NFATC1: variants seen among roughly 807,000 people sequenced by gnomAD.
NFATC1 encodes the protein nuclear factor of activated T-cells, cytoplasmic 1.
In NFATC1, 22 loss-of-function variants were observed where a neutral mutation model predicts 76.0. The observed-to-expected ratio is 0.29, with a 90% CI of 0.21 to 0.41. The LOEUF (loss-of-function observed/expected upper bound fraction) is 0.41. Among genes scored for constraint, NFATC1 ranks in the 10% least tolerant of loss-of-function variants. The probability of loss-of-function intolerance (pLI) is 1.00; values close to 1 mark genes in which losing one functional copy is unlikely to be tolerated. For synonymous variants in NFATC1, 704 were observed against 613.1 expected, an observed-to-expected ratio of 1.15 and a Z score of -2.19; for missense variants, 1,357 against 1,337.7, an observed-to-expected ratio of 1.01 and a Z score of -0.23.
intron 9 of NFATC1, among the ~76,000 whole-genome samples, chr18:79,501,607 A>AC (rs990119780): frequency 1.3e-4 from 6 of 45,416 alleles, no homozygotes; most frequent in Non-Finnish European, 2.2e-4. Flanking sequence ...CCTACACCCC[A>AC]CCCCCCCTCC....
intron 6 of NFATC1, among the ~76,000 whole-genome samples, chr18:79,458,231 G>T (rs2087843292): frequency 6.6e-6 from 1 of 152,218 alleles, no homozygotes; most frequent in Non-Finnish European, 1.5e-5. Context: ...GGAGAGCCGG[G>T]GATGGATGAG....
chr18:79,409,639 A>AC (rs1039451803), intron 1 of NFATC1, among the ~76,000 whole-genome samples: 4 of 149,236 alleles, frequency 2.7e-5, no homozygotes, highest in Non-Finnish European at 4.5e-5. Context: ...TCATCCCTTC[A>AC]CCCCCCGTCC....
At chr18:79,400,558 G>T in intron 1 of NFATC1, 1 of 1,229,478 alleles carries the variant, frequency 8.1e-7, no homozygotes, top group Non-Finnish European at 1.0e-6. Context: ...CCGCGTCCTC[G>T]TCGCTCCCCG....
intron 2 of NFATC1, among the ~76,000 whole-genome samples, chr18:79,431,361 AGTTT>A (rs990938039): frequency 1.3e-5 from 2 of 151,852 alleles, no homozygotes; most frequent in Non-Finnish European, 2.9e-5. Context: ...CATCGTTTTT[AGTTT>A]GTTTGTTTTG....
At position 79,451,801 on chromosome 18, in the gene NFATC1, G is replaced by A. The variant is rs201065601; in HGVS notation, c.1888G>A (p.Val630Met). ...NFLQDSKVIF[V>M]EKAPDGHHVW... ...CCTGCAGGACTCCAAGGTCATTTTCGTGGAGAAAGCCCCAGGTATGCTCTT... is the reference window on the plus strand; with the variant it reads ...CCTGCAGGACTCCAAGGTCATTTTCATGGAGAAAGCCCCAGGTATGCTCTT... The change falls in exon 6 of 10, where the codon GTG becomes ATG. Residue 630 changes from valine (V) to methionine (M), a missense_variant. By Grantham distance (21) the Val-to-Met change is conservative. Around this residue, in one of 3 missense-constraint regions of NFATC1, gnomAD observed 242 missense variants for 329.2 expected, o/e 0.74. Coordinates refer to ENST00000427363, the MANE Select transcript of NFATC1 (RefSeq NM_001278669.2). The A allele has an allele frequency of 7.4e-6, 12 of 1,611,142 alleles. No individual in the cohort carries two copies. Among genetic ancestry groups the A allele is most frequent in the East Asian group, 2.2e-5 (1 of 44,758 alleles).
chr18:79,474,585 G>T (rs2088960078), intron 8 of NFATC1, among the ~76,000 whole-genome samples: 1 of 148,598 alleles, frequency 6.7e-6, no homozygotes, highest in African/African-American at 2.5e-5. Flanking sequence ...ATAAACCTGA[G>T]GGAAGCGTGT....
In NFATC1 at chr18:79,454,600, C is replaced by T. The variant is rs117285990; in HGVS notation, c.1903+2784C>T. 9.8e-5 allele frequency among the ~76,000 whole-genome samples: 15 copies of T among 152,302 alleles called. No homozygotes were observed. In the East Asian group the frequency reaches 2.3e-3, roughly 24 times the overall value. On this transcript the variant is annotated intron_variant, in intron 6 of 9. Transcript: ENST00000427363. Reference sequence around the variant, plus strand: ...TGTTTGAGTCTCAGCCTGCGCTCCACGGAGCTTCCTCCCAGGTGTCTCAGG... The same window carrying T: ...TGTTTGAGTCTCAGCCTGCGCTCCATGGAGCTTCCTCCCAGGTGTCTCAGG...
chr18:79,457,687 C>T (rs561623336), intron 6 of NFATC1, among the ~76,000 whole-genome samples: 1 of 152,188 alleles, frequency 6.6e-6, no homozygotes, highest in Non-Finnish European at 1.5e-5. Context: ...GAAAGAAACC[C>T]TTGCCCATGA....
intron 3 of NFATC1, among the ~76,000 whole-genome samples, chr18:79,435,211 G>A (rs1032856446): frequency 9.2e-5 from 14 of 152,208 alleles, no homozygotes; most frequent in Non-Finnish European, 1.6e-4. Context: ...ATGTCGGTGA[G>A]GGGCACTGAC....
At chr18:79,512,167 A>G (rs960749061) in intron 9 of NFATC1, among the ~76,000 whole-genome samples, 9 of 151,814 alleles carry the variant, frequency 5.9e-5, no homozygotes, top group Admixed American at 5.9e-4. Context: ...GCCTGACCCC[A>G]GGACACGGCC....
At chr18:79,469,514 C>T (rs986327391) in intron 8 of NFATC1, 5 of 985,724 alleles carry the variant, frequency 5.1e-6, no homozygotes, top group Non-Finnish European at 6.0e-6. Context: ...CACACCCCAC[C>T]TGGCAGCCGG....
intron 3 of NFATC1, among the ~76,000 whole-genome samples, chr18:79,440,466 C>T (rs1489070261): frequency 1.3e-5 from 2 of 152,258 alleles, no homozygotes; most frequent in Non-Finnish European, 2.9e-5. Context: ...GGAGGCGGCG[C>T]CCTGGCAGCT....
intron 6 of NFATC1, among the ~76,000 whole-genome samples, chr18:79,455,045 C>G (rs761736572): frequency 6.6e-6 from 1 of 152,194 alleles, no homozygotes; most frequent in Non-Finnish European, 1.5e-5. Context: ...AACGTGAGCT[C>G]GGGCTGTGTC....
At chr18:79,459,335 C>T (rs867632997) in intron 6 of NFATC1, among the ~76,000 whole-genome samples, 8 of 152,218 alleles carry the variant, frequency 5.3e-5, no homozygotes, top group Admixed American at 4.6e-4. Flanking sequence ...TGCCGTCGTT[C>T]CATTTGCTTT....
At chr18:79,443,366 TCA>T (rs2087060778) in intron 3 of NFATC1, among the ~76,000 whole-genome samples, 1 of 152,198 alleles carries the variant, frequency 6.6e-6, no homozygotes, top group Admixed American at 6.5e-5. Flanking sequence ...AATCGGTCAG[TCA>T]CACGGATTCT....
intron 9 of NFATC1, among the ~76,000 whole-genome samples, chr18:79,499,486 G>A (rs2089969088): frequency 1.3e-5 from 2 of 152,126 alleles, no homozygotes; most frequent in Admixed American, 1.3e-4. Context: ...GACATGTAGA[G>A]AACAAATAGC....
chr18:79,469,755 G>A (rs2088697774), intron 8 of NFATC1: 2 of 985,616 alleles, frequency 2.0e-6, no homozygotes, highest in South Asian at 4.7e-5. Context: ...CTTCTCTCCT[G>A]GACGTAGCAC....
intron 8 of NFATC1, among the ~76,000 whole-genome samples, chr18:79,473,668 T>C (rs1230443844): frequency 7.2e-6 from 1 of 139,214 alleles, no homozygotes; most frequent in Non-Finnish European, 1.5e-5. Context: ...CTGTCGACGT[T>C]GTAAACCTGA....
chr18:79,463,250 C>T (rs1040156549), intron 7 of NFATC1, among the ~76,000 whole-genome samples: 4 of 152,176 alleles, frequency 2.6e-5, no homozygotes, highest in African/African-American at 9.7e-5. Context: ...GCTTTTCTTG[C>T]CTTCACCTGA....
Sources: allele counts gnomAD v4.1 joint callset (sites outside exome capture counted in the v4.1 genomes callset), GRCh38; gene constraint gnomAD v4.1.1; regional missense constraint gnomAD v4.1.1; transcripts MANE v1.5; gene names NCBI Gene and HGNC (gene_info 2026-07-23, HGNC 2026-07-21).